STAG1: variants seen among roughly 807,000 people sequenced by gnomAD.
The protein encoded by STAG1 is cohesin subunit SA-1.
Under a neutral mutation model 170.9 loss-of-function variants are expected in STAG1, and 26 were observed. The ratio of observed to expected loss-of-function variants is 0.15; its 90% CI spans 0.11 to 0.21. The LOEUF (loss-of-function observed/expected upper bound fraction) is 0.21. STAG1 is among the 10% of genes least tolerant of loss of function. The pLI is 1.00. For synonymous variants in STAG1, 514 were observed against 497.7 expected (o/e 1.03, Z -0.44); for missense variants, 964 against 1,509.5 (o/e 0.64, Z 5.99).
intron 28 of STAG1, among the ~76,000 whole-genome samples, chr3:136,357,315 A>G (rs1213018319): frequency 2.0e-5 from 3 of 152,168 alleles, no homozygotes; most frequent in African/African-American, 7.2e-5. Context: ...AATTACATAT[A>G]TATTTCTTTA....
At chr3:136,498,273 C>CA (rs1553733387) in intron 9 of STAG1, among the ~76,000 whole-genome samples, 174 of 44,386 alleles carry the variant, frequency 3.9e-3, no homozygotes, top group Middle Eastern at 0.013. Context: ...CACACACACA[C>CA]CACACACACA....
chr3:136,574,353 C>T (rs1005852265), intron 4 of STAG1, among the ~76,000 whole-genome samples: 1 of 151,928 alleles, frequency 6.6e-6, no homozygotes, highest in African/African-American at 2.4e-5. Context: ...TACACACACA[C>T]ACACACACAC....
intron 15 of STAG1, among the ~76,000 whole-genome samples, chr3:136,440,974 A>G (rs1199892114): frequency 6.6e-6 from 1 of 151,484 alleles, no homozygotes; most frequent in Non-Finnish European, 1.5e-5. Flanking sequence ...AATATAGTGG[A>G]CAGTTTCACC....
At chr3:136,499,484 A>G (rs1429268837) in intron 9 of STAG1, among the ~76,000 whole-genome samples, 1 of 152,162 alleles carries the variant, frequency 6.6e-6, no homozygotes, top group East Asian at 1.9e-4. Context: ...TTAGCCAAAT[A>G]TACTCTCAAA....
In STAG1 at chr3:136,595,974, G is replaced by A. The variant is rs118116449; in HGVS notation, c.297+8335C>T. Among the ~76,000 whole-genome samples the A allele has an allele frequency of 3.3e-3, 497 of 152,138 alleles. 7 individuals carry two copies. In the East Asian group the frequency reaches 0.046, roughly 14 times the overall value. On this transcript the variant is annotated intron_variant, in intron 4 of 33. Transcript: ENST00000383202. ...AGGGCATCTACTGTCCTCTATGGTC[G>A]GATAACAGATTTTATCTTTGCATTT...
chr3:136,718,328 T>C (rs531641292), intron 1 of STAG1, among the ~76,000 whole-genome samples: 1 of 152,332 alleles, frequency 6.6e-6, no homozygotes, highest in Non-Finnish European at 1.5e-5. Flanking sequence ...TAAACTATTT[T>C]GTCTTCATCT....
At chr3:136,484,850 T>G (rs1018027123) in intron 9 of STAG1, among the ~76,000 whole-genome samples, 4 of 151,684 alleles carry the variant, frequency 2.6e-5, no homozygotes, top group Non-Finnish European at 5.9e-5. Context: ...TCCAGGTGCG[T>G]CTGTCACCCC....
At chr3:136,618,187 G>GCTCCACCCTGACTCATTCCA (rs1939681889) in intron 3 of STAG1, among the ~76,000 whole-genome samples, 4 of 151,540 alleles carry the variant, frequency 2.6e-5, no homozygotes, top group Admixed American at 2.0e-4. Context: ...GACTCATTCC[G>GCTCCACCCTGACTCATTCCA]ATCACCTGCT....
chr3:136,687,862 G>A (rs766759165), intron 1 of STAG1, among the ~76,000 whole-genome samples: 9 of 151,156 alleles, frequency 6.0e-5, no homozygotes, highest in African/African-American at 1.7e-4. Context: ...TCAGCCTCCC[G>A]AGTAGCTGGG....
At chr3:136,451,122 T>G (rs1030180864) in intron 14 of STAG1, among the ~76,000 whole-genome samples, 1 of 151,836 alleles carries the variant, frequency 6.6e-6, no homozygotes, top group Non-Finnish European at 1.5e-5. Flanking sequence ...TAATTTACTG[T>G]TTCTCCAATG....
At chr3:136,475,793 A>C (rs1367010372) in intron 10 of STAG1, among the ~76,000 whole-genome samples, 1 of 152,222 alleles carries the variant, frequency 6.6e-6, no homozygotes, top group South Asian at 2.1e-4. Context: ...TTAAGTGGCT[A>C]TTGCTAAGTG....
intron 4 of STAG1, among the ~76,000 whole-genome samples, chr3:136,583,744 G>C (rs779298784): frequency 6.6e-6 from 1 of 152,156 alleles, no homozygotes; most frequent in Non-Finnish European, 1.5e-5. Flanking sequence ...AGCCAAGATC[G>C]TGCCATGGCA....
At chr3:136,553,333 GATAA>G (rs1936480003) in intron 5 of STAG1, among the ~76,000 whole-genome samples, 1 of 151,996 alleles carries the variant, frequency 6.6e-6, no homozygotes, top group East Asian at 1.9e-4. Context: ...TGAAGGAGAA[GATAA>G]ATAAAATGGA....
intron 3 of STAG1, among the ~76,000 whole-genome samples, chr3:136,620,460 TC>T (rs1009733448): frequency 6.6e-6 from 1 of 152,238 alleles, no homozygotes; most frequent in Non-Finnish European, 1.5e-5. Flanking sequence ...GTGGGAGTTA[TC>T]ATATAAATTC....
intron 4 of STAG1, among the ~76,000 whole-genome samples, chr3:136,578,544 C>T (rs1231775938): frequency 6.6e-6 from 1 of 152,250 alleles, no homozygotes; most frequent in Non-Finnish European, 1.5e-5. Flanking sequence ...CCCTGTACAA[C>T]TATTCCAAGT....
intron 1 of STAG1, among the ~76,000 whole-genome samples, chr3:136,718,055 C>T (rs566692486): frequency 4.7e-4 from 71 of 152,046 alleles, no homozygotes; most frequent in Non-Finnish European, 9.4e-4. Flanking sequence ...CACACAGACT[C>T]GTGTATTTAC....
intron 1 of STAG1, among the ~76,000 whole-genome samples, chr3:136,719,451 TAA>T (rs1293482410): frequency 6.6e-6 from 1 of 151,968 alleles, no homozygotes; most frequent in African/African-American, 2.4e-5. Flanking sequence ...TTTTCCAAAT[TAA>T]CTAAACATCA....
rs772248063 is a variant in STAG1 at position 136,422,808 on chromosome 3, T to C, written c.1793A>G (p.Tyr598Cys). Residue 598 changes from tyrosine to cysteine, a missense_variant, in exon 18 of 34, where the codon TAT becomes TGT. Physicochemically the swap from Tyr to Cys is radical, Grantham distance 194 (BLOSUM62 -2). Around this residue, in one of 11 missense-constraint regions of STAG1, gnomAD observed 232 missense variants for 313.0 expected, o/e 0.74. Coordinates refer to ENST00000383202, the MANE Select transcript of STAG1 (RefSeq NM_005862.3). ...TGTGCTGTAGATTTCTAAATCAAAA[T>C]ACTGTGGGATTTGTAGCAAGTTTGC... ...KVANLLQIPQ[Y>C]FDLEIYSTGR... is the part of the protein sequence containing the mutation. 14 of 1,609,102 alleles carry C rather than the reference T, an allele frequency of 8.7e-6. No homozygotes were observed. Among genetic ancestry groups the C allele is most frequent in the East Asian group, 4.5e-5 (2 of 44,776 alleles).
chr3:136,534,847 A>G (rs1935545593), intron 6 of STAG1, among the ~76,000 whole-genome samples: 1 of 152,210 alleles, frequency 6.6e-6, no homozygotes. Flanking sequence ...GAGATTTTTC[A>G]AAAAACTAAA....
Sources: gnomAD v4.1 joint callset for allele counts (sites outside exome capture counted in the v4.1 genomes callset) on GRCh38, gnomAD v4.1.1 for gene constraint, gnomAD v4.1.1 regional missense constraint, MANE v1.5 for transcripts, NCBI Gene and HGNC (gene_info 2026-07-23, HGNC 2026-07-21) for gene names.